Variants in LRRC4C observed in about 807,000 individuals in gnomAD.
LRRC4C encodes leucine rich repeat containing 4C, also known as leucine-rich repeat-containing protein 4C.
In LRRC4C, 5 loss-of-function variants were observed where a neutral mutation model predicts 33.6. That is an observed-to-expected ratio of 0.15 (90% CI 0.08 to 0.31). The LOEUF (loss-of-function observed/expected upper bound fraction) is 0.31. LRRC4C is among the 10% of genes least tolerant of loss of function. The pLI, the probability that LRRC4C is intolerant of heterozygous loss-of-function variation, is 1.00. For synonymous variants in LRRC4C, 329 were observed against 302.0 expected, an observed-to-expected ratio of 1.09 and a Z score of -0.93; for missense variants, 560 against 796.7, an observed-to-expected ratio of 0.70 and a Z score of 3.58.
chr11:41,232,869 T>C (rs527305103), intron 1 of LRRC4C, among the ~76,000 whole-genome samples: 1 of 152,148 alleles, frequency 6.6e-6, no homozygotes, highest in African/African-American at 2.4e-5. Context: ...TGTTCACATT[T>C]ATTTTGCCAA....
At chr11:41,312,055 A>C (rs532183066) in intron 1 of LRRC4C, among the ~76,000 whole-genome samples, 10 of 152,336 alleles carry the variant, frequency 6.6e-5, no homozygotes, top group African/African-American at 2.4e-4. Context: ...ACACTAGTTG[A>C]CAGATGAATC....
intron 1 of LRRC4C, among the ~76,000 whole-genome samples, chr11:41,191,586 T>C (rs1166310991): frequency 6.6e-6 from 1 of 152,104 alleles, no homozygotes; most frequent in Non-Finnish European, 1.5e-5. Flanking sequence ...TATTAGGTCA[T>C]GCTAAGCAGA....
intron 1 of LRRC4C, among the ~76,000 whole-genome samples, chr11:41,404,135 T>A (rs1954128726): frequency 6.6e-6 from 1 of 152,070 alleles, no homozygotes; most frequent in Admixed American, 6.6e-5. Flanking sequence ...AATGAGAAAG[T>A]TAAAAGAAAT....
intron 2 of LRRC4C, among the ~76,000 whole-genome samples, chr11:40,751,088 T>C (rs1340355666): frequency 6.6e-5 from 10 of 150,836 alleles, no homozygotes; most frequent in African/African-American, 2.4e-4. Flanking sequence ...AAAAAAAGAA[T>C]CTTAATCTAT....
At chr11:40,372,888 C>CCTGCTGAT (rs1948510143) in intron 3 of LRRC4C, among the ~76,000 whole-genome samples, 1 of 132,134 alleles carries the variant, frequency 7.6e-6, no homozygotes, top group African/African-American at 4.3e-5. Flanking sequence ...GCAGAGACTC[C>CCTGCTGAT]CCACAACAGA....
chr11:41,063,967 T>C (rs1938003263), intron 1 of LRRC4C, among the ~76,000 whole-genome samples: 1 of 152,106 alleles, frequency 6.6e-6, no homozygotes, highest in Admixed American at 6.5e-5. Context: ...GTCTTTGTGA[T>C]CAGGAGGTGG....
intron 1 of LRRC4C, among the ~76,000 whole-genome samples, chr11:41,277,183 C>T (rs1949511064): frequency 1.3e-5 from 2 of 152,040 alleles, no homozygotes; most frequent in Admixed American, 6.6e-5. Flanking sequence ...AGCATTTATT[C>T]CTCAAAATAT....
intron 1 of LRRC4C, among the ~76,000 whole-genome samples, chr11:41,019,138 G>T (rs904544322): frequency 2.6e-5 from 4 of 151,998 alleles, no homozygotes; most frequent in Non-Finnish European, 4.4e-5. Context: ...GTGGCTTGCT[G>T]TACCTATTGA....
chr11:40,982,000 G>A (rs1366089832), intron 1 of LRRC4C, among the ~76,000 whole-genome samples: 2 of 152,144 alleles, frequency 1.3e-5, no homozygotes, highest in Non-Finnish European at 2.9e-5. Flanking sequence ...CCTAGAAGAT[G>A]GAGAAATAAT....
At chr11:40,862,986 A>G (rs1475933672) in intron 2 of LRRC4C, among the ~76,000 whole-genome samples, 1 of 152,216 alleles carries the variant, frequency 6.6e-6, no homozygotes. Flanking sequence ...GTTCTCCAAC[A>G]CGGAACACGT....
chr11:40,406,506 G>C (rs1411938249), intron 3 of LRRC4C, among the ~76,000 whole-genome samples: 1 of 151,894 alleles, frequency 6.6e-6, no homozygotes, highest in East Asian at 1.9e-4. Flanking sequence ...GTATGTGTTG[G>C]GCAGTATACA....
At chr11:41,088,748 G>A (rs1940188075) in intron 1 of LRRC4C, among the ~76,000 whole-genome samples, 5 of 152,086 alleles carry the variant, frequency 3.3e-5, no homozygotes, top group Non-Finnish European at 1.5e-5. Flanking sequence ...AGATCAGAGA[G>A]GAAATGAGTT....
chr11:41,222,468 G>A (rs1244513061), intron 1 of LRRC4C, among the ~76,000 whole-genome samples: 1 of 152,110 alleles, frequency 6.6e-6, no homozygotes, highest in Admixed American at 6.6e-5. Context: ...CAATGAAATG[G>A]ACAGGGCTGA....
intron 1 of LRRC4C, among the ~76,000 whole-genome samples, chr11:41,002,562 A>T (rs1011833130): frequency 2.0e-5 from 3 of 152,200 alleles, no homozygotes; most frequent in East Asian, 3.8e-4. Flanking sequence ...ATTACATGGT[A>T]GGTAGTGAGA....
intron 1 of LRRC4C, among the ~76,000 whole-genome samples, chr11:41,437,341 C>G (rs967504815): frequency 1.6e-4 from 24 of 152,140 alleles, no homozygotes; most frequent in African/African-American, 5.8e-4. Context: ...TATCTCCAAA[C>G]TTTCACTGCC....
chr11:41,433,559 G>A (rs531637760), intron 1 of LRRC4C, among the ~76,000 whole-genome samples: 2 of 152,212 alleles, frequency 1.3e-5, no homozygotes, highest in African/African-American at 4.8e-5. Context: ...GAATCTGGGT[G>A]GGCACCATCT....
At chr11:40,682,863 A>G (rs758775009) in intron 2 of LRRC4C, among the ~76,000 whole-genome samples, 1 of 152,236 alleles carries the variant, frequency 6.6e-6, no homozygotes, top group Non-Finnish European at 1.5e-5. Flanking sequence ...TAGAGTGATC[A>G]ACAAATATTT....
At chr11:40,772,509 A>C (rs1949801763) in intron 2 of LRRC4C, among the ~76,000 whole-genome samples, 2 of 152,204 alleles carry the variant, frequency 1.3e-5, no homozygotes, top group African/African-American at 4.8e-5. Flanking sequence ...AAATTAAAAG[A>C]TCTAACAATC....
intron 2 of LRRC4C, among the ~76,000 whole-genome samples, chr11:40,821,523 A>C (rs1240195162): frequency 1.3e-5 from 2 of 151,526 alleles, no homozygotes; most frequent in African/African-American, 2.4e-5. Context: ...TTCTTTAATA[A>C]ATTTATATTT....
Sources: gnomAD v4.1 joint callset for allele counts (sites outside exome capture counted in the v4.1 genomes callset) on GRCh38, gnomAD v4.1.1 for gene constraint, MANE v1.5 for transcripts, NCBI Gene and HGNC (gene_info 2026-07-23, HGNC 2026-07-21) for gene names.